Variants in NAALAD2 observed in about 807,000 individuals in gnomAD.
NAALAD2 encodes the protein N-acetylated-alpha-linked acidic dipeptidase 2.
A neutral mutation model predicts 95.6 loss-of-function variants in NAALAD2; 89 were observed. That is an observed-to-expected ratio of 0.93 (90% CI 0.78 to 1.11). NAALAD2 has a LOEUF of 1.11. Ranked by LOEUF, NAALAD2 falls within the 50% of genes least tolerant of loss-of-function variation. The probability of loss-of-function intolerance (pLI) is 0.00; values close to 1 mark genes in which losing one functional copy is unlikely to be tolerated. For missense variants in NAALAD2, 894 were observed against 872.4 expected (o/e 1.02, Z -0.31); for synonymous variants, 264 against 294.4 (o/e 0.90, Z 1.06).
Position 90,149,046 on chromosome 11 carries a change from A to T in NAALAD2, c.422A>T (p.Tyr141Phe). ...TACCTTGAACCACCACCAGATGGCT[A>T]TGAGAATGTTACAAATATTGTGCCA... is the stretch of plus-strand genomic sequence containing the variant. ...TSYLEPPPDG[Y>F]ENVTNIVPPY... Residue 141 changes from tyrosine (Y) to phenylalanine (F), a missense_variant, in exon 4 of 19, where the codon TAT becomes TTT. Physicochemically the swap from Tyr to Phe is conservative, Grantham distance 22. Transcript: ENST00000534061. The T allele has an allele frequency of 5.0e-6, 8 of 1,607,648 alleles. No homozygotes were observed. Among genetic ancestry groups the T allele is most frequent in the Non-Finnish European group, 6.8e-6 (8 of 1,177,312 alleles).
intron 6 of NAALAD2, among the ~76,000 whole-genome samples, chr11:90,154,737 G>A (rs1029275890): frequency 4.0e-5 from 6 of 150,180 alleles, no homozygotes; most frequent in Middle Eastern, 3.5e-3. Flanking sequence ...AATTCTCCAG[G>A]GATCTATCTG....
At chr11:90,178,342 G>A (rs1486030680) in intron 16 of NAALAD2, among the ~76,000 whole-genome samples, 2 of 152,176 alleles carry the variant, frequency 1.3e-5, no homozygotes, top group African/African-American at 2.4e-5. Context: ...CAAACATTGG[G>A]ATGGTAAACA....
rs773275468 is a variant in NAALAD2 at position 90,144,740 on chromosome 11, T to TAAAAAAAAAAA, written c.195-2585_195-2575dup. 2.9e-3 allele frequency among the ~76,000 whole-genome samples: 264 copies of TAAAAAAAAAAA among 90,760 alleles called. 10 individuals are homozygous for TAAAAAAAAAAA. Among genetic ancestry groups the TAAAAAAAAAAA allele is most frequent in the African/African-American group, 8.7e-3 (176 of 20,214 alleles). 59.5% of individuals were successfully genotyped at this position (90,760 alleles called of 152,430 possible). On this transcript the variant is annotated intron_variant, in intron 2 of 18. Coordinates refer to ENST00000534061, the MANE Select transcript of NAALAD2 (RefSeq NM_005467.4). ...CTGGGCAACAAGAGCAAAACTCCAT[T>TAAAAAAAAAAA]AAAAAAAAAAAAAAACGGAAAAGAA...
At chr11:90,179,670 T>C (rs1952904965) in intron 16 of NAALAD2, among the ~76,000 whole-genome samples, 1 of 152,176 alleles carries the variant, frequency 6.6e-6, no homozygotes, top group African/African-American at 2.4e-5. Context: ...TTGGTAGTTC[T>C]GTGGCTATTC....
chr11:90,186,093 T>C (rs986268617), intron 18 of NAALAD2, among the ~76,000 whole-genome samples: 2 of 152,058 alleles, frequency 1.3e-5, no homozygotes, highest in Non-Finnish European at 2.9e-5. Flanking sequence ...TAGTTACATA[T>C]GTATACATGT....
At chr11:90,137,652 G>A (rs1474821989) in intron 2 of NAALAD2, among the ~76,000 whole-genome samples, 2 of 152,110 alleles carry the variant, frequency 1.3e-5, no homozygotes, top group Non-Finnish European at 2.9e-5. Flanking sequence ...CACCCAGGCT[G>A]GAGTACAGTG....
At chr11:90,156,534 A>G (rs1340490953) in intron 6 of NAALAD2, among the ~76,000 whole-genome samples, 3 of 152,102 alleles carry the variant, frequency 2.0e-5, no homozygotes, top group Non-Finnish European at 2.9e-5. Context: ...TCTCCCTATA[A>G]GCACTACTTT....
intron 16 of NAALAD2, among the ~76,000 whole-genome samples, chr11:90,180,787 C>T (rs547143963): frequency 6.6e-6 from 1 of 152,078 alleles, no homozygotes; most frequent in South Asian, 2.1e-4. Context: ...ATTCAACCAA[C>T]TGCAAGCCAA....
rs1407007030 is a variant in NAALAD2 at position 90,178,064 on chromosome 11, A to AGAAAC, written c.1805_1806insGAAAC (p.Tyr602Ter). On this transcript the variant is annotated stop_gained and frameshift_variant, in exon 16 of 19. Coordinates refer to ENST00000534061, the MANE Select transcript of NAALAD2 (RefSeq NM_005467.4). LOFTEE classifies it high-confidence loss of function. Reference sequence around the variant, plus strand: ...TTGAAAAACTATGCAGCAAGTATCTATAATCTATCTAAGAAACATGATCAA... The same window carrying AGAAAC: ...TTGAAAAACTATGCAGCAAGTATCTAGAAACTAATCTATCTAAGAAACATGATCAA... 5 of 1,613,576 alleles carry AGAAAC rather than the reference A, an allele frequency of 3.1e-6. No homozygotes were observed. In the East Asian group the frequency reaches 8.9e-5, roughly 29 times the overall value.
chr11:90,176,205 T>C, intron 15 of NAALAD2, 143 bp downstream of exon 15: 1 of 587,222 alleles, frequency 1.7e-6, no homozygotes, highest in African/African-American at 1.9e-5. Context: ...TGCATGTCCC[T>C]TTCCAGATGG....
At chr11:90,178,300 A>G (rs1285409124) in intron 16 of NAALAD2, among the ~76,000 whole-genome samples, 183 bp downstream of exon 16, 1 of 152,222 alleles carries the variant, frequency 6.6e-6, no homozygotes, top group Non-Finnish European at 1.5e-5. Flanking sequence ...TGGCATGTAT[A>G]GAATGAATCC....
chr11:90,182,885 C>T lies in NAALAD2; in HGVS notation c.1941-31C>T, dbSNP rs9804494. 1.6e-5 allele frequency: 22 copies of T among 1,418,612 alleles called. No homozygotes were observed. In the East Asian group the frequency reaches 1.6e-4, roughly 10 times the overall value. 87.9% of individuals were successfully genotyped at this position (1,418,612 alleles called of 1,614,324 possible). Reference sequence around the variant, plus strand: ...TTTTGAAGCATGATTCTGCGGTTTGCGTTATAATTATGTATATGTTCTTCT... The same window carrying T: ...TTTTGAAGCATGATTCTGCGGTTTGTGTTATAATTATGTATATGTTCTTCT... On this transcript the variant is annotated intron_variant, in intron 17 of 18. Transcript: ENST00000534061.
chr11:90,173,925 T>G lies in NAALAD2; in HGVS notation c.1502+10T>G. 1 of 1,561,644 alleles carries G rather than the reference T, an allele frequency of 6.4e-7. No homozygotes were observed. Among genetic ancestry groups the G allele is most frequent in the African/African-American group, 1.4e-5 (1 of 73,540 alleles). On this transcript the variant is annotated intron_variant, in intron 14 of 18. Coordinates refer to ENST00000534061, the MANE Select transcript of NAALAD2 (RefSeq NM_005467.4). ...ATAAAAATTTGCCTAGGTAAGTTAC[T>G]GATATGCACCTTTTCTACTGTAGGA...
At chr11:90,177,673 G>C (rs1299991450) in intron 15 of NAALAD2, among the ~76,000 whole-genome samples, 180 bp from the exon 16 acceptor site, 2 of 90,152 alleles carry the variant, frequency 2.2e-5, no homozygotes, top group African/African-American at 9.7e-5. Context: ...GGCTGGTCTT[G>C]AACTCCTGAG....
intron 13 of NAALAD2, among the ~76,000 whole-genome samples, chr11:90,173,326 C>T (rs1022825015): frequency 1.3e-5 from 2 of 152,144 alleles, no homozygotes; most frequent in Non-Finnish European, 2.9e-5. Context: ...GCGCTAACCC[C>T]TGCCTGCCCT....
At chr11:90,170,799 A>T (rs1483076237) in intron 13 of NAALAD2, among the ~76,000 whole-genome samples, 2 of 152,164 alleles carry the variant, frequency 1.3e-5, no homozygotes, top group South Asian at 4.1e-4. Flanking sequence ...TAAGCAGAGG[A>T]CACAGTATCT....
chr11:90,170,338 C>T (rs1379038264), intron 13 of NAALAD2, among the ~76,000 whole-genome samples: 1 of 152,154 alleles, frequency 6.6e-6, no homozygotes, highest in Non-Finnish European at 1.5e-5. Flanking sequence ...TTTGTTCTAG[C>T]AATAGTTCTT....
chr11:90,185,242 TA>T (rs1436103836), intron 18 of NAALAD2, among the ~76,000 whole-genome samples: 1 of 151,940 alleles, frequency 6.6e-6, no homozygotes, highest in African/African-American at 2.4e-5. Flanking sequence ...TTTATTTACA[TA>T]AACATCTATA....
chr11:90,134,957 C>T (rs1011038276), intron 1 of NAALAD2, 117 bp downstream of exon 1: 4 of 1,129,940 alleles, frequency 3.5e-6, no homozygotes, highest in Non-Finnish European at 4.0e-6. Context: ...GCCGGCTGGG[C>T]TAGATATGAT....
Sources: allele counts gnomAD v4.1 joint callset (sites outside exome capture counted in the v4.1 genomes callset), GRCh38; gene constraint gnomAD v4.1.1; transcripts MANE v1.5; gene names NCBI Gene and HGNC (gene_info 2026-07-23, HGNC 2026-07-21).